The following SECISBP2 variants were observed in gnomAD, a reference collection of about 807,000 sequenced individuals.
SECISBP2 encodes selenocysteine insertion sequence-binding protein 2.
SECISBP2 carries 96 observed loss-of-function variants against 98.2 expected under a neutral mutation model. That is an observed-to-expected ratio of 0.98 (90% confidence interval 0.83 to 1.16). SECISBP2 has a LOEUF of 1.16. Ranked by LOEUF, SECISBP2 falls within the 50% of genes most tolerant of loss-of-function variation. SECISBP2 has a pLI of 0.00. For synonymous variants in SECISBP2, 407 were observed against 370.2 expected, an observed-to-expected ratio of 1.10 and a Z score of -1.14; for missense variants, 1,046 against 1,022.9, an observed-to-expected ratio of 1.02 and a Z score of -0.31.
intron 11 of SECISBP2, 22 bp from the exon 12 acceptor site, chr9:89,348,057 A>T: frequency 1.3e-6 from 2 of 1,594,746 alleles, no homozygotes; most frequent in South Asian, 1.1e-5. Flanking sequence ...TAGGCATTTT[A>T]ATTGTTTATT....
intron 6 of SECISBP2, among the ~76,000 whole-genome samples, chr9:89,333,500 C>G (rs1828097833): frequency 6.6e-6 from 1 of 152,238 alleles, no homozygotes; most frequent in African/African-American, 2.4e-5. Flanking sequence ...TTGTGCAGCT[C>G]TGCCATCTGG....
chr9:89,362,157 A>ACTGTCCCAAGTGGGC (rs1832808850), downstream of SECISBP2: 4 of 602,950 alleles, frequency 6.6e-6, no homozygotes, highest in Non-Finnish European at 1.2e-5. Flanking sequence ...GACAGAACTT[A>ACTGTCCCAAGTGGGC]CTGTCCCAGG....
Position 89,350,835 on chromosome 9 carries a change from A to G in SECISBP2, c.2096A>G (p.Glu699Gly). 1.9e-6 allele frequency: 3 copies of G among 1,614,140 alleles called. No homozygotes were observed. The highest frequency in any genetic ancestry group is 2.5e-6 in the Non-Finnish European group (3 of 1,179,960). Residue 699 changes from glutamate to glycine, a missense_variant, in exon 14 of 17, where the codon GAG becomes GGG. Transcript: ENST00000375807. ...TGTGTCATTATTTCTCCCAACTGTG[A>G]GAAGATACAGTCAAAAGGTAAAGGC... ...LKCVIISPNC[E>G]KIQSKGGLDD... is the part of the protein sequence containing the mutation.
intron 7 of SECISBP2, among the ~76,000 whole-genome samples, chr9:89,338,065 A>C (rs1181148643): frequency 1.3e-5 from 2 of 152,202 alleles, no homozygotes; most frequent in African/African-American, 4.8e-5. Context: ...TCCAGGGGTG[A>C]TTCTGCTCTG....
At chr9:89,363,584 G>C, downstream of SECISBP2, 1 of 1,608,032 alleles carries the variant, frequency 6.2e-7, no homozygotes, top group Non-Finnish European at 8.5e-7. Context: ...TGGCACCCTT[G>C]ATGCCCACTG....
downstream of SECISBP2, chr9:89,364,293 T>C (rs1019089513): frequency 7.9e-6 from 3 of 381,408 alleles, no homozygotes; most frequent in Non-Finnish European, 1.5e-5. Flanking sequence ...CACCCCACCA[T>C]GGCCCTGCTG....
chr9:89,319,929 A>C, intron 2 of SECISBP2, 132 bp downstream of exon 2: 2 of 938,020 alleles, frequency 2.1e-6, no homozygotes, highest in Non-Finnish European at 1.7e-6. Context: ...AACCAAGAAG[A>C]GTCTGAGCCA....
At chr9:89,349,067 G>A (rs906203360) in intron 12 of SECISBP2, among the ~76,000 whole-genome samples, 4 of 152,238 alleles carry the variant, frequency 2.6e-5, no homozygotes, top group Non-Finnish European at 4.4e-5. Flanking sequence ...GTTTCTGACT[G>A]TTCTACCAGT....
chr9:89,338,575 A>T lies in SECISBP2; in HGVS notation c.1207A>T (p.Ile403Phe), dbSNP rs1829155059. 1 of 1,611,672 alleles carries T rather than the reference A, an allele frequency of 6.2e-7. No individual in the cohort carries two copies. The highest frequency in any genetic ancestry group is 1.3e-5 in the African/African-American group (1 of 74,782). Reference protein sequence around the residue: ...EVLTVQEPPRIEDAEEFPNLA... With the variant: ...EVLTVQEPPRFEDAEEFPNLA... ...CCTGACAGTTCAAGAGCCTCCAAGGATTGAAGTACATTTATATTTTTTATT... is the reference window on the plus strand; with the variant it reads ...CCTGACAGTTCAAGAGCCTCCAAGGTTTGAAGTACATTTATATTTTTTATT... The change falls in exon 8 of 17, where the codon ATT becomes TTT. Residue 403 changes from isoleucine to phenylalanine, a missense_variant. By Grantham distance (21) the Ile-to-Phe change is conservative. Coordinates refer to ENST00000375807, the MANE Select transcript of SECISBP2 (RefSeq NM_024077.5).
chr9:89,319,827 G>T (rs759700483), intron 2 of SECISBP2, 30 bp downstream of exon 2: 2 of 1,611,220 alleles, frequency 1.2e-6, no homozygotes, highest in Non-Finnish European at 1.7e-6. Context: ...TCTTACCTAG[G>T]GGCTTACATT....
At chr9:89,363,326 G>T (rs150097648), downstream of SECISBP2, 547 of 1,512,988 alleles carry the variant, frequency 3.6e-4, 1 homozygote, top group African/African-American at 5.8e-3. Flanking sequence ...GAGGGAACAA[G>T]TGGGGTCCAT....
Position 89,338,502 on chromosome 9 carries a change from A to G in SECISBP2, c.1134A>G (p.Ser378=). Reference sequence around the variant, plus strand: ...GTGACCTTGAACAAAATGAAGCCTCAAGAAAGAATAAGAAAAAGAAAGAAA... The same window carrying G: ...GTGACCTTGAACAAAATGAAGCCTCGAGAAAGAATAAGAAAAAGAAAGAAA... ...QGSDLEQNEA[S]RKNKKKKEKS... The change falls in exon 8 of 17, where the codon TCA becomes TCG. Residue 378 remains serine (S), a synonymous_variant. Coordinates refer to ENST00000375807, the MANE Select transcript of SECISBP2 (RefSeq NM_024077.5). 1 of 1,613,524 alleles carries G rather than the reference A, an allele frequency of 6.2e-7. No homozygotes were observed. Among genetic ancestry groups the G allele is most frequent in the Non-Finnish European group, 8.5e-7 (1 of 1,179,846 alleles).
At position 89,334,663 on chromosome 9, in the gene SECISBP2, C is replaced by T. The variant is rs1564366757; in HGVS notation, c.1022C>T (p.Ser341Phe). The T allele has an allele frequency of 5.0e-6, 8 of 1,613,878 alleles. No individual in the cohort carries two copies. The highest frequency in any genetic ancestry group is 3.3e-5 in the South Asian group (3 of 91,080). Residue 341 changes from serine (S) to phenylalanine (F), a missense_variant, in exon 7 of 17, where the codon TCT (serine) becomes TTT (phenylalanine). By Grantham distance (155) the Ser-to-Phe change is radical (BLOSUM62 -2). Coordinates refer to ENST00000375807, the MANE Select transcript of SECISBP2 (RefSeq NM_024077.5). ...SADPKNVSIP[S>F]SEALSSDPSY... is the part of the protein sequence containing the mutation. ...GATCCTAAAAATGTTAGTATACCAT[C>T]TTCTGAAGCTTTATCTTCGGATCCT...
chr9:89,338,859 A>G (rs990469508), intron 8 of SECISBP2, among the ~76,000 whole-genome samples: 10 of 148,824 alleles, frequency 6.7e-5, no homozygotes, highest in Non-Finnish European at 1.2e-4. Flanking sequence ...TATTACTAAT[A>G]TTTCCCCTCA....
At chr9:89,338,279 C>T (rs1044103766) in intron 7 of SECISBP2, among the ~76,000 whole-genome samples, 179 bp from the exon 8 acceptor site, 8 of 151,978 alleles carry the variant, frequency 5.3e-5, no homozygotes, top group Admixed American at 5.2e-4. Context: ...CTTTTTTTTC[C>T]TTCAGAACTA....
chr9:89,364,074 C>CTAT (rs1833190210), downstream of SECISBP2: 1 of 1,578,070 alleles, frequency 6.3e-7, no homozygotes, highest in East Asian at 2.3e-5. Flanking sequence ...GGGACAACTT[C>CTAT]CAATTCAGTC....
rs758672313 is a variant in SECISBP2 at position 89,325,881 on chromosome 9, T to C, written c.433-16T>C. ...TGGTGGTTTTATTTCATGTTGCTTT[T>C]TAATCTTTCCTGCAGAAGAAAACCT... On this transcript the variant is annotated splice_polypyrimidine_tract_variant and intron_variant, in intron 3 of 16. Transcript: ENST00000375807. 3 of 1,613,596 alleles carry C rather than the reference T, an allele frequency of 1.9e-6. No individual in the cohort carries two copies. The highest frequency in any genetic ancestry group is 3.3e-5 in the Admixed American group (2 of 60,008).
chr9:89,346,821 C>G, intron 10 of SECISBP2, 61 bp from the exon 11 acceptor site: 1 of 1,608,486 alleles, frequency 6.2e-7, no homozygotes, highest in South Asian at 1.1e-5. Flanking sequence ...GAGCTGCGAT[C>G]CAAGAGCTGG....
At chr9:89,334,261 C>G in intron 6 of SECISBP2, 1 of 1,110,228 alleles carries the variant, frequency 9.0e-7, no homozygotes, top group African/African-American at 1.6e-5. Flanking sequence ...TGTTTGTCTA[C>G]CCACCTCCAA....
Sources: allele counts gnomAD v4.1 joint callset (sites outside exome capture counted in the v4.1 genomes callset), GRCh38; gene constraint gnomAD v4.1.1; transcripts MANE v1.5; gene names NCBI Gene and HGNC (gene_info 2026-07-23, HGNC 2026-07-21).